ANKH: variants seen among roughly 807,000 people sequenced by gnomAD.
ANKH encodes ANKH inorganic pyrophosphate transport regulator.
A neutral mutation model predicts 49.0 loss-of-function variants in ANKH; 15 were observed. The observed-to-expected ratio is 0.31, with a 90% CI of 0.20 to 0.47. The LOEUF is 0.47. Ranked by LOEUF, ANKH falls within the 20% of genes least tolerant of loss-of-function variation. ANKH has a pLI of 1.00. For missense variants in ANKH, 429 were observed against 652.0 expected (o/e 0.66, Z 3.72); for synonymous variants, 273 against 260.0 (o/e 1.05, Z -0.48).
intron 8 of ANKH, among the ~76,000 whole-genome samples, chr5:14,717,554 A>G (rs1312166488): frequency 6.6e-6 from 1 of 152,248 alleles, no homozygotes; most frequent in East Asian, 1.9e-4. Context: ...GGTCCAGAGC[A>G]GGATGGCTGG....
At chr5:14,718,585 C>T (rs561524814) in intron 8 of ANKH, among the ~76,000 whole-genome samples, 2 of 151,956 alleles carry the variant, frequency 1.3e-5, no homozygotes, top group African/African-American at 4.8e-5. Context: ...CTGAGGCGGG[C>T]GGATGACCTG....
chr5:14,741,141 C>T lies in ANKH; in HGVS notation c.1011+686G>A, dbSNP rs367616697. Among the ~76,000 whole-genome samples the T allele has an allele frequency of 4.6e-5, 7 of 152,340 alleles. No individual in the cohort carries two copies. In the East Asian group the frequency reaches 1.3e-3, roughly 29 times the overall value. On this transcript the variant is annotated intron_variant, in intron 8 of 11. Transcript: ENST00000284268. ...TCTAAAAAAACCTTAAATTATATACCACGTCCTTTGGACTATAAAGCATGT... is the reference window on the plus strand; with the variant it reads ...TCTAAAAAAACCTTAAATTATATACTACGTCCTTTGGACTATAAAGCATGT...
intron 1 of ANKH, among the ~76,000 whole-genome samples, chr5:14,857,907 G>C (rs1346011152): frequency 6.6e-6 from 1 of 152,120 alleles, no homozygotes; most frequent in Non-Finnish European, 1.5e-5. Flanking sequence ...AGGGGTGTGG[G>C]GCCGCTCTGC....
chr5:14,762,321 C>G (rs1428455030), intron 2 of ANKH, among the ~76,000 whole-genome samples: 1 of 152,218 alleles, frequency 6.6e-6, no homozygotes, highest in Admixed American at 6.5e-5. Flanking sequence ...CGTTCGCCAT[C>G]CATTCTCCTG....
chr5:14,789,961 C>T (rs1028108458), intron 1 of ANKH, among the ~76,000 whole-genome samples: 2 of 152,208 alleles, frequency 1.3e-5, no homozygotes, highest in African/African-American at 2.4e-5. Flanking sequence ...CTACCCGCCT[C>T]GGCCTCCCAA....
chr5:14,764,236 T>G (rs923248613), intron 2 of ANKH, among the ~76,000 whole-genome samples: 2 of 152,272 alleles, frequency 1.3e-5, no homozygotes, highest in Admixed American at 1.3e-4. Context: ...GCCTTGAATC[T>G]GGGCTGGCCA....
intron 9 of ANKH, among the ~76,000 whole-genome samples, chr5:14,714,720 T>TA (rs1184921233): frequency 6.6e-6 from 1 of 152,056 alleles, no homozygotes; most frequent in African/African-American, 2.4e-5. Context: ...AGGCATATGC[T>TA]AAACTGGTTG....
At chr5:14,785,409 C>T (rs1473668725) in intron 1 of ANKH, among the ~76,000 whole-genome samples, 1 of 152,074 alleles carries the variant, frequency 6.6e-6, no homozygotes, top group Non-Finnish European at 1.5e-5. Flanking sequence ...AAGTCTGGGA[C>T]CTTCCACTCC....
rs535773847 is a variant in ANKH, at chr5:14,725,881, G to A, written c.1012-9046C>T. 3.9e-5 allele frequency among the ~76,000 whole-genome samples: 6 copies of A among 152,334 alleles called. No individual in the cohort carries two copies. The East Asian group carries it at 1.2e-3, about 29-fold the overall frequency. ...CCGCCTCAGCCTCCTGAGTAGCTGG[G>A]ACTACAGGTACGTGCCACCACGCCC... is the stretch of plus-strand genomic sequence containing the variant. On this transcript the variant is annotated intron_variant, in intron 8 of 11. Transcript: ENST00000284268. This position sits in a 1 kb window ranked among gnomAD's most constrained non-coding sequence, Gnocchi z 4.0.
At chr5:14,852,656 T>C (rs562296190) in intron 1 of ANKH, among the ~76,000 whole-genome samples, 1 of 152,314 alleles carries the variant, frequency 6.6e-6, no homozygotes, top group Admixed American at 6.5e-5. Flanking sequence ...TTAAACTGCC[T>C]TACGTGTGTC....
intron 8 of ANKH, among the ~76,000 whole-genome samples, chr5:14,741,100 C>T (rs1045145067): frequency 2.6e-5 from 4 of 152,166 alleles, no homozygotes; most frequent in African/African-American, 9.7e-5. Flanking sequence ...AGTTTTTTGC[C>T]ACTGTTGATA....
chr5:14,810,088 G>A lies in ANKH; in HGVS notation c.97-40897C>T, dbSNP rs371190033. ...AGCTTCTGCGTTTCTCTACAGGAGG[G>A]AAGAAGCAATTTCCAATTCTGAGCT... On this transcript the variant is annotated intron_variant, in intron 1 of 11. Transcript: ENST00000284268. Among the ~76,000 whole-genome samples, 75 of 152,062 alleles carry A rather than the reference G, an allele frequency of 4.9e-4. 2 individuals are homozygous for A. The highest frequency in any genetic ancestry group is 8.3e-4 in the South Asian group (4 of 4,806).
intron 1 of ANKH, among the ~76,000 whole-genome samples, chr5:14,864,581 T>C (rs1735589448): frequency 6.6e-6 from 1 of 152,220 alleles, no homozygotes; most frequent in African/African-American, 2.4e-5. Flanking sequence ...CCTCATTTTC[T>C]ATGTATGAAT....
intron 1 of ANKH, among the ~76,000 whole-genome samples, chr5:14,837,969 T>C (rs1018517152): frequency 6.6e-5 from 10 of 152,214 alleles, no homozygotes; most frequent in Admixed American, 1.3e-4. Context: ...TGTAGGGACA[T>C]GGATAAGGCT....
chr5:14,849,696 C>T (rs1742072171), intron 1 of ANKH, among the ~76,000 whole-genome samples: 1 of 152,238 alleles, frequency 6.6e-6, no homozygotes, highest in African/African-American at 2.4e-5. Context: ...ACGAATGTTG[C>T]TCTTCACATC....
At chr5:14,781,123 A>G (rs1580062349) in intron 1 of ANKH, among the ~76,000 whole-genome samples, 1 of 152,312 alleles carries the variant, frequency 6.6e-6, no homozygotes, top group African/African-American at 2.4e-5. Flanking sequence ...CTGAGTTTTG[A>G]AAAGTGGCTT....
At chr5:14,771,983 ATAATTGGATGTCATTGATTG>A (rs1343634427) in intron 1 of ANKH, among the ~76,000 whole-genome samples, 1 of 151,768 alleles carries the variant, frequency 6.6e-6, no homozygotes, top group East Asian at 1.9e-4. Flanking sequence ...GTTCCCAATT[ATAATTGGATGTCATTGATTG>A]TAAGATGTAT....
At chr5:14,861,536 C>T (rs1350168887) in intron 1 of ANKH, among the ~76,000 whole-genome samples, 1 of 152,172 alleles carries the variant, frequency 6.6e-6, no homozygotes, top group Non-Finnish European at 1.5e-5. Flanking sequence ...ATATTTCTGC[C>T]TGGGTGAGAT....
At chr5:14,830,316 T>A (rs1284379461) in intron 1 of ANKH, among the ~76,000 whole-genome samples, 1 of 152,104 alleles carries the variant, frequency 6.6e-6, no homozygotes, top group East Asian at 1.9e-4. Context: ...TGAACTTACC[T>A]CCTGCCCAGT....
Sources: allele counts gnomAD v4.1 joint callset (sites outside exome capture counted in the v4.1 genomes callset), GRCh38; gene constraint gnomAD v4.1.1; non-coding constraint Gnocchi (gnomAD v3.1); transcripts MANE v1.5; gene names NCBI Gene and HGNC (gene_info 2026-07-23, HGNC 2026-07-21).